Variants in MB21D2 observed in about 807,000 individuals in gnomAD.
MB21D2 encodes nucleotidyltransferase MB21D2.
MB21D2 carries 9 observed loss-of-function variants against 33.3 expected under a neutral mutation model. The observed-to-expected ratio is 0.27, with a 90% CI of 0.16 to 0.47. The LOEUF (loss-of-function observed/expected upper bound fraction) is 0.47. Ranked by LOEUF, MB21D2 falls within the 20% of genes least tolerant of loss-of-function variation. The probability of loss-of-function intolerance (pLI) is 0.99; values close to 1 mark genes in which losing one functional copy is unlikely to be tolerated. For synonymous variants in MB21D2, 241 were observed against 236.3 expected (o/e 1.02, Z -0.18); for missense variants, 540 against 624.6 (o/e 0.86, Z 1.44).
chr3:192,839,147 G>A (rs1712515304), intron 1 of MB21D2, among the ~76,000 whole-genome samples: 2 of 152,074 alleles, frequency 1.3e-5, no homozygotes, highest in Non-Finnish European at 2.9e-5. Context: ...ATGACTGCTG[G>A]AAAAAATAGC....
intron 1 of MB21D2, among the ~76,000 whole-genome samples, chr3:192,835,082 A>C (rs1430645766): frequency 1.4e-5 from 2 of 146,454 alleles, no homozygotes; most frequent in Non-Finnish European, 3.0e-5. Flanking sequence ...TGCTGGGATG[A>C]CAGGCGTGAG....
intron 1 of MB21D2, among the ~76,000 whole-genome samples, chr3:192,876,298 G>C (rs1369560353): frequency 6.6e-6 from 1 of 152,142 alleles, no homozygotes; most frequent in Non-Finnish European, 1.5e-5. Flanking sequence ...ACAGAAACAT[G>C]GCTGTCATCT....
At chr3:192,895,731 TTTTTTTTGTTTG>T (rs1481510633) in intron 1 of MB21D2, among the ~76,000 whole-genome samples, 1 of 26,366 alleles carries the variant, frequency 3.8e-5, no homozygotes, top group African/African-American at 1.8e-4. Flanking sequence ...TTTTTGGGGT[TTTTTTTTGTTTG>T]TTTTTTTGAG....
intron 1 of MB21D2, among the ~76,000 whole-genome samples, chr3:192,892,362 C>T (rs2108647529): frequency 6.6e-6 from 1 of 152,344 alleles, no homozygotes; most frequent in East Asian, 1.9e-4. Flanking sequence ...TAGGTTATGA[C>T]CTTGCCTGCC....
At chr3:192,827,433 G>T (rs1577174748) in intron 1 of MB21D2, among the ~76,000 whole-genome samples, 1 of 152,120 alleles carries the variant, frequency 6.6e-6, no homozygotes, top group Admixed American at 6.5e-5. Context: ...GATTGTGAGG[G>T]TTTAAGATGA....
At chr3:192,839,988 TA>T (rs1463175565) in intron 1 of MB21D2, among the ~76,000 whole-genome samples, 1 of 151,932 alleles carries the variant, frequency 6.6e-6, no homozygotes, top group Non-Finnish European at 1.5e-5. Flanking sequence ...AGGTAAAAAA[TA>T]AAAAGCATCC....
chr3:192,812,591 T>A (rs1283094604), intron 1 of MB21D2, among the ~76,000 whole-genome samples: 1 of 152,126 alleles, frequency 6.6e-6, no homozygotes, highest in Non-Finnish European at 1.5e-5. Flanking sequence ...AGACTCCAGA[T>A]CCTCTATATC....
intron 1 of MB21D2, among the ~76,000 whole-genome samples, chr3:192,852,046 G>A (rs559416346): frequency 1.2e-4 from 19 of 152,208 alleles, no homozygotes; most frequent in Non-Finnish European, 2.4e-4. Flanking sequence ...CCAGGCATCT[G>A]GAGTCGTGCC....
chr3:192,822,742 T>C (rs956408030), intron 1 of MB21D2, among the ~76,000 whole-genome samples: 2 of 152,200 alleles, frequency 1.3e-5, no homozygotes, highest in Non-Finnish European at 2.9e-5. Context: ...TTAGAACATC[T>C]AATGTAACTG....
chr3:192,877,591 C>A (rs1050251284), intron 1 of MB21D2, among the ~76,000 whole-genome samples: 4 of 152,240 alleles, frequency 2.6e-5, no homozygotes, highest in Admixed American at 6.5e-5. Flanking sequence ...TGTCCTCCCA[C>A]AAGACCTCAT....
At chr3:192,866,054 T>A (rs9837536) in intron 1 of MB21D2, among the ~76,000 whole-genome samples, 90,126 of 150,878 alleles carry the variant, frequency 0.6, 28,348 homozygotes, top group African/African-American at 0.8. Context: ...TCTAAAAAAA[T>A]AAATAAATAA....
intron 1 of MB21D2, among the ~76,000 whole-genome samples, chr3:192,890,481 G>T (rs1713827279): frequency 1.3e-5 from 2 of 151,650 alleles, no homozygotes; most frequent in Admixed American, 1.3e-4. Context: ...AGCTTGTAAG[G>T]TCTGATGGGG....
At chr3:192,834,574 C>T (rs1712393223) in intron 1 of MB21D2, among the ~76,000 whole-genome samples, 2 of 151,988 alleles carry the variant, frequency 1.3e-5, no homozygotes, top group South Asian at 2.1e-4. Flanking sequence ...ACTACTTTTC[C>T]GACCTTCCTG....
chr3:192,887,615 G>T (rs1430797181), intron 1 of MB21D2, among the ~76,000 whole-genome samples: 4 of 151,980 alleles, frequency 2.6e-5, no homozygotes, highest in Non-Finnish European at 5.9e-5. Flanking sequence ...AGGTATATGG[G>T]GGTTCATTAT....
intron 1 of MB21D2, among the ~76,000 whole-genome samples, chr3:192,826,953 G>A (rs1712185709): frequency 1.3e-5 from 2 of 151,228 alleles, no homozygotes; most frequent in South Asian, 4.2e-4. Context: ...GTGCAGTGGT[G>A]GAATCTCAGC....
intron 1 of MB21D2, among the ~76,000 whole-genome samples, chr3:192,897,782 A>C (rs1714009799): frequency 6.6e-6 from 1 of 152,142 alleles, no homozygotes; most frequent in Admixed American, 6.5e-5. Flanking sequence ...ACTTGAGCCC[A>C]GGAGTTCAAG....
At chr3:192,860,660 G>A (rs1480671636) in intron 1 of MB21D2, among the ~76,000 whole-genome samples, 4 of 152,156 alleles carry the variant, frequency 2.6e-5, no homozygotes, top group African/African-American at 7.2e-5. Context: ...AGCCCGCCCT[G>A]GGAGCCAGCT....
chr3:192,894,371 T>A (rs1220242509), intron 1 of MB21D2, among the ~76,000 whole-genome samples: 1 of 152,084 alleles, frequency 6.6e-6, no homozygotes, highest in Non-Finnish European at 1.5e-5. Flanking sequence ...CCTCAAGTGA[T>A]CCACTCGCCT....
chr3:192,806,628 C>A (rs1711666375), intron 1 of MB21D2, among the ~76,000 whole-genome samples: 1 of 152,144 alleles, frequency 6.6e-6, no homozygotes, highest in Non-Finnish European at 1.5e-5. Context: ...TTAGAAGGCA[C>A]CCGCTTTTTA....
Sources: gnomAD v4.1 joint callset for allele counts (sites outside exome capture counted in the v4.1 genomes callset) on GRCh38, gnomAD v4.1.1 for gene constraint, MANE v1.5 for transcripts, NCBI Gene and HGNC (gene_info 2026-07-23, HGNC 2026-07-21) for gene names.